MATN2: variants seen among roughly 807,000 people sequenced by gnomAD.
The protein encoded by MATN2 is matrilin 2, also known as matrilin-2.
Under a neutral mutation model 103.2 loss-of-function variants are expected in MATN2, and 69 were observed. The ratio of observed to expected loss-of-function variants is 0.67; its 90% confidence interval spans 0.55 to 0.82. The LOEUF (loss-of-function observed/expected upper bound fraction) is 0.82. Among genes scored for constraint, MATN2 ranks in the 40% least tolerant of loss-of-function variants. MATN2 has a pLI of 0.00. For missense variants in MATN2, 1,023 were observed against 1,211.5 expected (o/e 0.84, Z 2.31); for synonymous variants, 429 against 450.2 (o/e 0.95, Z 0.60).
At chr8:98,011,994 C>G (rs935461685) in intron 10 of MATN2, among the ~76,000 whole-genome samples, 6 of 152,278 alleles carry the variant, frequency 3.9e-5, no homozygotes, top group Admixed American at 6.5e-5. Flanking sequence ...AGGCCTGGGT[C>G]CTTATGTGTA....
intron 3 of MATN2, among the ~76,000 whole-genome samples, chr8:97,935,529 G>GT (rs1350084616): frequency 2.0e-5 from 3 of 152,032 alleles, no homozygotes; most frequent in African/African-American, 4.8e-5. Context: ...GTTTTATTTT[G>GT]TTTTTTGAGA....
At chr8:97,870,203 C>G (rs1330482183) in intron 1 of MATN2, among the ~76,000 whole-genome samples, 1 of 152,056 alleles carries the variant, frequency 6.6e-6, no homozygotes, top group African/African-American at 2.4e-5. Flanking sequence ...GATGGTAATA[C>G]CCACAGAACT....
rs182751949 is a variant in MATN2 at position 97,913,761 on chromosome 8, C to T, written c.143-17192C>T. 3.3e-5 allele frequency among the ~76,000 whole-genome samples: 5 copies of T among 152,006 alleles called. No individual in the cohort carries two copies. In the East Asian group the frequency reaches 5.8e-4, roughly 18 times the overall value. On this transcript the variant is annotated intron_variant, in intron 2 of 18. Transcript: ENST00000254898. ...TACCAAGTAGCTGGGACTACAGGCA[C>T]GTGCCACCACGCCCAGCTAATGTTT...
At chr8:98,035,086 G>A (rs534314174) in intron 18 of MATN2, among the ~76,000 whole-genome samples, 6 of 151,682 alleles carry the variant, frequency 4.0e-5, no homozygotes, top group Non-Finnish European at 5.9e-5. Flanking sequence ...GGCCGGGCAC[G>A]GTGGCTCACG....
chr8:97,996,402 C>T (rs192444642), intron 7 of MATN2, among the ~76,000 whole-genome samples: 6 of 152,126 alleles, frequency 3.9e-5, no homozygotes, highest in East Asian at 1.9e-4. Context: ...GTGGTCTGAG[C>T]GCTACAGATT....
At chr8:98,034,821 C>T (rs1325616928) in intron 18 of MATN2, among the ~76,000 whole-genome samples, 1 of 151,828 alleles carries the variant, frequency 6.6e-6, no homozygotes, top group African/African-American at 2.4e-5. Flanking sequence ...ATTGTCTTCT[C>T]TTCACCAGAT....
At chr8:97,904,617 C>G (rs1228405016) in intron 2 of MATN2, among the ~76,000 whole-genome samples, 1 of 152,142 alleles carries the variant, frequency 6.6e-6, no homozygotes, top group East Asian at 1.9e-4. Context: ...TTTCAACACA[C>G]GTATTGCTTG....
chr8:98,031,633 A>G (rs1352779460), intron 15 of MATN2: 1 of 152,218 alleles, frequency 6.6e-6, no homozygotes, highest in African/African-American at 2.4e-5. Flanking sequence ...TGCATGGACT[A>G]CTTGTTTACA....
chr8:97,887,200 CT>C (rs1191403988), intron 1 of MATN2, among the ~76,000 whole-genome samples: 1 of 152,044 alleles, frequency 6.6e-6, no homozygotes, highest in Non-Finnish European at 1.5e-5. Flanking sequence ...ACTTTTTTAA[CT>C]TTTTAAATAA....
rs767200470 is a variant in MATN2 at position 98,021,211 on chromosome 8, A to G, written c.1826A>G (p.Asp609Gly). The G allele has an allele frequency of 3.7e-6, 6 of 1,613,290 alleles. No individual in the cohort carries two copies. The highest frequency in any genetic ancestry group is 5.1e-6 in the Non-Finnish European group (6 of 1,179,468). ...CTCCCTACATTTTCCTCAGGGAAGG[A>G]TGTCTGCAAATCAACCCACCATGGC... ...AEDGKRCRRKDVCKSTHHGCE... is the reference protein window; with the variant it reads ...AEDGKRCRRKGVCKSTHHGCE... The change falls in exon 13 of 19, where the codon GAT (aspartate) becomes GGT (glycine). Residue 609 changes from aspartate to glycine, a missense_variant. Coordinates refer to ENST00000254898, the MANE Select transcript of MATN2 (RefSeq NM_002380.5).
chr8:97,970,050 C>T (rs542940654), intron 5 of MATN2, among the ~76,000 whole-genome samples: 10 of 152,358 alleles, frequency 6.6e-5, no homozygotes, highest in African/African-American at 2.4e-4. Context: ...TAGAAGAAAA[C>T]AGCTTTATTG....
chr8:97,877,430 TC>T (rs1244062379), intron 1 of MATN2, among the ~76,000 whole-genome samples: 1 of 151,490 alleles, frequency 6.6e-6, no homozygotes, highest in Admixed American at 6.6e-5. Flanking sequence ...TGAGTCGAGA[TC>T]GCGCCATTGC....
At chr8:97,979,891 G>A (rs572365464) in intron 6 of MATN2, among the ~76,000 whole-genome samples, 2 of 152,264 alleles carry the variant, frequency 1.3e-5, no homozygotes, top group African/African-American at 4.8e-5. Flanking sequence ...GGATACATCT[G>A]CACAAAACCT....
intron 2 of MATN2, among the ~76,000 whole-genome samples, chr8:97,899,786 T>A (rs921542575): frequency 1.3e-5 from 2 of 152,226 alleles, no homozygotes; most frequent in Non-Finnish European, 2.9e-5. Flanking sequence ...CATGACAAGC[T>A]GCTTTGCTTT....
chr8:98,011,983 T>C (rs191132025), intron 10 of MATN2, among the ~76,000 whole-genome samples: 2 of 152,352 alleles, frequency 1.3e-5, no homozygotes, highest in Admixed American at 6.5e-5. Flanking sequence ...ATTAAACACA[T>C]AGGCCTGGGT....
chr8:97,999,946 T>A (rs913221990), intron 7 of MATN2, among the ~76,000 whole-genome samples: 1 of 151,484 alleles, frequency 6.6e-6, no homozygotes, highest in Non-Finnish European at 1.5e-5. Flanking sequence ...AGTGGCGCGA[T>A]CTTGGCTCAC....
chr8:97,887,989 G>T (rs1818496124), intron 1 of MATN2, 86 bp from the exon 2 acceptor site: 1 of 1,303,208 alleles, frequency 7.7e-7, no homozygotes, highest in South Asian at 1.5e-5. Flanking sequence ...ACTCTGAAAA[G>T]GCGGGGCAGC....
At chr8:97,889,062 T>C (rs937276346) in intron 2 of MATN2, among the ~76,000 whole-genome samples, 1 of 152,190 alleles carries the variant, frequency 6.6e-6, no homozygotes, top group Non-Finnish European at 1.5e-5. Context: ...ACTCAGTAAG[T>C]AAAAGCTTTA....
intron 6 of MATN2, among the ~76,000 whole-genome samples, chr8:97,985,604 T>A (rs963742914): frequency 6.6e-6 from 1 of 152,228 alleles, no homozygotes; most frequent in African/African-American, 2.4e-5. Context: ...ATGTGTACAT[T>A]TATTTTTAGT....
Sources: allele counts gnomAD v4.1 joint callset (sites outside exome capture counted in the v4.1 genomes callset), GRCh38; gene constraint gnomAD v4.1.1; transcripts MANE v1.5; gene names NCBI Gene and HGNC (gene_info 2026-07-23, HGNC 2026-07-21).